COL16A1: variants seen among roughly 807,000 people sequenced by gnomAD.
COL16A1 encodes the protein collagen type XVI alpha 1 chain.
A neutral mutation model predicts 266.3 loss-of-function variants in COL16A1; 189 were observed. The ratio of observed to expected loss-of-function variants is 0.71; its 90% CI spans 0.63 to 0.80. The LOEUF is 0.80. Among genes scored for constraint, COL16A1 ranks in the 30% least tolerant of loss-of-function variants. COL16A1 has a pLI of 0.00. For synonymous variants in COL16A1, 740 were observed against 782.3 expected, an observed-to-expected ratio of 0.95 and a Z score of 0.90; for missense variants, 1,928 against 2,122.4, an observed-to-expected ratio of 0.91 and a Z score of 1.80.
At position 31,656,820 on chromosome 1, in the gene COL16A1, GT is replaced by G. The variant is rs1255919557; in HGVS notation, c.4056+212del. 6.8e-6 allele frequency: 4 copies of G among 586,046 alleles called. No individual in the cohort carries two copies. The highest frequency in any genetic ancestry group is 3.2e-5 in the Admixed American group (1 of 31,670). 36.3% of individuals were successfully genotyped at this position (586,046 alleles called of 1,614,324 possible). A position where few individuals can be genotyped will look rare whatever the true frequency, so the allele number is the denominator to read the frequency against. On this transcript the variant is annotated intron_variant, in intron 65 of 70. Transcript: ENST00000373672. This position sits in a 1 kb window ranked among gnomAD's most constrained non-coding sequence, Gnocchi z 4.2. ...TTGTTTCTTTTTGACCAGGTACAGGGTTTAAAAAAAAAAAAAAAAAGGTAAA... is the reference window on the plus strand; with the variant it reads ...TTGTTTCTTTTTGACCAGGTACAGGGTTAAAAAAAAAAAAAAAAAGGTAAA...
chr1:31,683,078 C>G, intron 36 of COL16A1, 76 bp from the exon 37 acceptor site: 1 of 1,609,944 alleles, frequency 6.2e-7, no homozygotes, highest in Non-Finnish European at 8.5e-7. Flanking sequence ...AGACACATCT[C>G]AACAGATCTT....
chr1:31,684,785 C>T (rs374113961), intron 30 of COL16A1, 36 bp downstream of exon 30: 1 of 1,613,958 alleles, frequency 6.2e-7, no homozygotes, highest in Non-Finnish European at 8.5e-7. Context: ...TGAGATGATG[C>T]CATGCCCACC....
At chr1:31,691,332 TTA>T in intron 19 of COL16A1, 83 bp downstream of exon 19, 1 of 1,584,316 alleles carries the variant, frequency 6.3e-7, no homozygotes, top group Non-Finnish European at 8.6e-7. Context: ...GGACAGAGCC[TTA>T]TCTTCCCCCC....
At position 31,672,380 on chromosome 1, in the gene COL16A1, G is replaced by A. The variant is rs1570436487; in HGVS notation, c.3105+36C>T. The A allele has an allele frequency of 1.9e-6, 3 of 1,611,606 alleles. No homozygotes were observed. The African/African-American group carries it at 4.0e-5, about 22-fold the overall frequency. On this transcript the variant is annotated intron_variant, in intron 47 of 70. Coordinates refer to ENST00000373672, the MANE Select transcript of COL16A1 (RefSeq NM_001856.4). ...GGTCTCAAAGGCAGACAGGGCCCCA[G>A]CTCCCTTGAGGATGAATCCCCATCC...
At chr1:31,684,076 A>G (rs1316486320) in intron 32 of COL16A1, 33 bp downstream of exon 32, 1 of 1,610,588 alleles carries the variant, frequency 6.2e-7, no homozygotes, top group East Asian at 2.2e-5. Context: ...GGCAAAGCCC[A>G]GGCAGGGAAG....
chr1:31,690,351 CA>C lies in COL16A1; in HGVS notation c.1509+15del. On this transcript the variant is annotated intron_variant, in intron 22 of 70. Transcript: ENST00000373672. The stretch of plus-strand genomic sequence containing the variant: ...CCGTTCCCACCCCGATCTGGGCAGC[CA>C]GGCCTAGGACTCACCTTCTCTCCCT... 6.2e-7 allele frequency: 1 copy of C among 1,613,608 alleles called. No homozygotes were observed. The highest frequency in any genetic ancestry group is 8.5e-7 in the Non-Finnish European group (1 of 1,179,994).
chr1:31,655,206 A>G, intron 67 of COL16A1, 108 bp downstream of exon 67: 1 of 1,492,102 alleles, frequency 6.7e-7, no homozygotes, highest in Non-Finnish European at 8.9e-7. Context: ...TATGGGAGCC[A>G]GGCTCTTTCC....
chr1:31,697,384 C>G lies in COL16A1; in HGVS notation c.658-84G>C. On this transcript the variant is annotated intron_variant, in intron 6 of 70. Transcript: ENST00000373672. The surrounding 1 kb of genome is among the most constrained non-coding windows in gnomAD (Gnocchi z 4.2). ...CCCCCCAGGAGGCACAGAGATGTCT[C>G]TGCCCCAGGATGTGACCTCAGGGTG... The G allele has an allele frequency of 2.2e-6, 3 of 1,360,878 alleles. No individual in the cohort carries two copies. Among genetic ancestry groups the G allele is most frequent in the Non-Finnish European group, 3.0e-6 (3 of 989,022 alleles). The allele number at this position is 1,360,878 out of a possible 1,614,324, so 84.3% of individuals were successfully genotyped here.
intron 12 of COL16A1, 126 bp from the exon 13 acceptor site, chr1:31,693,280 G>C (rs1398371514): frequency 1.5e-6 from 1 of 666,838 alleles, no homozygotes; most frequent in South Asian, 1.6e-5. Context: ...ACGCACACAT[G>C]TGAGCAGTGT....
chr1:31,702,999 G>A (rs1168456044), intron 1 of COL16A1, among the ~76,000 whole-genome samples: 1 of 152,178 alleles, frequency 6.6e-6, no homozygotes, highest in Non-Finnish European at 1.5e-5. Context: ...CCCCAGGACA[G>A]GCAGCTCACG....
Position 31,653,447 on chromosome 1 carries a change from C to A in COL16A1, c.4612+152G>T, listed in dbSNP as rs113516068. 940 of 909,062 alleles carry A rather than the reference C, an allele frequency of 1.0e-3. 8 individuals are homozygous for A. The African/African-American group carries it at 0.014, about 14-fold the overall frequency. 56.3% of individuals were successfully genotyped at this position (909,062 alleles called of 1,614,324 possible). ...GCCCCCACATCCCCACAGGCCCTGGCAGAGTGTCTTGCACACAGTGGCATT... is the reference window on the plus strand; with the variant it reads ...GCCCCCACATCCCCACAGGCCCTGGAAGAGTGTCTTGCACACAGTGGCATT... On this transcript the variant is annotated intron_variant, in intron 70 of 70. Transcript: ENST00000373672.
chr1:31,696,329 C>T (rs983769772), intron 8 of COL16A1, among the ~76,000 whole-genome samples, 188 bp from the exon 9 acceptor site: 14 of 139,692 alleles, frequency 1.0e-4, no homozygotes, highest in African/African-American at 7.6e-5. Flanking sequence ...TCCTTCCCCC[C>T]CCACCCACCC....
chr1:31,690,528 C>T lies in COL16A1; in HGVS notation c.1482+1G>A, dbSNP rs976101210. ...TCCCCCGCTGGATTGGTGTCACTCA[C>T]AGGTTTCCCACCAGGGCCTTCCTTT... is the stretch of plus-strand genomic sequence containing the variant. On this transcript the variant is annotated splice_donor_variant, in intron 21 of 70. Transcript: ENST00000373672. LOFTEE classifies it high-confidence loss of function. 5 of 1,614,010 alleles carry T rather than the reference C, an allele frequency of 3.1e-6. No homozygotes were observed. Among genetic ancestry groups the T allele is most frequent in the Non-Finnish European group, 4.2e-6 (5 of 1,179,916 alleles).
chr1:31,700,106 C>T lies in COL16A1; in HGVS notation c.83G>A (p.Cys28Tyr). 1 of 1,614,164 alleles carries T rather than the reference C, an allele frequency of 6.2e-7. No individual in the cohort carries two copies. The highest frequency in any genetic ancestry group is 8.5e-7 in the Non-Finnish European group (1 of 1,180,028). The change falls in exon 3 of 71, where the codon TGC becomes TAC. Residue 28 changes from cysteine (C) to tyrosine (Y), a missense_variant. Coordinates refer to ENST00000373672, the MANE Select transcript of COL16A1 (RefSeq NM_001856.4). ...FGHGANTGAQ[C>Y]PPSQQEGLKL... ...GAGTCCTTCCTGCTGTGAAGGTGGG[C>T]ATTGTGCACCTAGAAGAGAAGGGGC...
At position 31,667,595 on chromosome 1, in the gene COL16A1, C is replaced by G; in HGVS notation, c.3337G>C (p.Ala1113Pro). The G allele has an allele frequency of 1.2e-6, 2 of 1,602,968 alleles. No individual in the cohort carries two copies. Among genetic ancestry groups the G allele is most frequent in the Non-Finnish European group, 1.7e-6 (2 of 1,175,380 alleles). Reference protein sequence around the residue: ...IKGERGYTGSAGEKGEPGPPG... With the variant: ...IKGERGYTGSPGEKGEPGPPG... ...CTCACCGGCTCTCCTTTCTCTCCCGCTGACCCGGTGTAGCCACGCTCCCCC... is the reference window on the plus strand; with the variant it reads ...CTCACCGGCTCTCCTTTCTCTCCCGGTGACCCGGTGTAGCCACGCTCCCCC... The change falls in exon 52 of 71, where the codon GCG (alanine) becomes CCG (proline). Residue 1113 changes from alanine (A) to proline (P), a missense_variant. Physicochemically the swap from Ala to Pro is conservative, Grantham distance 27 (BLOSUM62 -1). Transcript: ENST00000373672.
chr1:31,685,695 G>A lies in COL16A1; in HGVS notation c.1960C>T (p.Pro654Ser). 6.2e-7 allele frequency: 1 copy of A among 1,614,000 alleles called. No homozygotes were observed. The highest frequency in any genetic ancestry group is 8.5e-7 in the Non-Finnish European group (1 of 1,180,016). The change falls in exon 29 of 71, where the codon CCA becomes TCA. Residue 654 changes from proline to serine, a missense_variant. By Grantham distance (74) the Pro-to-Ser change is moderately conservative. Transcript: ENST00000373672. The surrounding 1 kb of genome is among the most constrained non-coding windows in gnomAD (Gnocchi z 4.0). Reference sequence around the variant, plus strand: ...CCAGGTTCCCCCTTCTCTCCGGATGGGCCAGGCAAGGCCACCACACGGACA... The same window carrying A: ...CCAGGTTCCCCCTTCTCTCCGGATGAGCCAGGCAAGGCCACCACACGGACA... ...GDVRVVALPG[P>S]SGEKGEPGPP... is the part of the protein sequence containing the mutation.
In COL16A1 at chr1:31,690,276, C is replaced by A. The variant is rs78189506; in HGVS notation, c.1509+91G>T. The A allele has an allele frequency of 4.4e-6, 7 of 1,581,194 alleles. No individual in the cohort carries two copies. In the African/African-American group the frequency reaches 9.5e-5, roughly 21 times the overall value. On this transcript the variant is annotated intron_variant, in intron 22 of 70. Coordinates refer to ENST00000373672, the MANE Select transcript of COL16A1 (RefSeq NM_001856.4). ...GGGTCCCCTGAGGAAGGTCCAGCAC[C>A]CCTAGGCCTAGGGCCCTTGATGCTC...
chr1:31,675,823 G>A (rs962469675), intron 42 of COL16A1, among the ~76,000 whole-genome samples: 3 of 152,026 alleles, frequency 2.0e-5, no homozygotes, highest in African/African-American at 7.2e-5. Flanking sequence ...ACCATGCCTG[G>A]CTAATTCTTT....
At position 31,688,655 on chromosome 1, in the gene COL16A1, T is replaced by C; in HGVS notation, c.1768-153A>G. On this transcript the variant is annotated intron_variant, in intron 25 of 70. Coordinates refer to ENST00000373672, the MANE Select transcript of COL16A1 (RefSeq NM_001856.4). This position sits in a 1 kb window ranked among gnomAD's most constrained non-coding sequence, Gnocchi z 4.9. ...GTTTCTTCAGTTAGACAACTGAAGC[T>C]AGAGGTGCTAAGAGGAAGTTCCAGG... is the stretch of plus-strand genomic sequence containing the variant. The C allele has an allele frequency of 4.2e-6, 5 of 1,192,046 alleles. No individual in the cohort carries two copies. The highest frequency in any genetic ancestry group is 6.2e-6 in the Non-Finnish European group (5 of 812,002). 73.8% of individuals were successfully genotyped at this position (1,192,046 alleles called of 1,614,324 possible). A position where few individuals can be genotyped will look rare whatever the true frequency, so the allele number is the denominator to read the frequency against.
Sources: allele counts gnomAD v4.1 joint callset (sites outside exome capture counted in the v4.1 genomes callset), GRCh38; gene constraint gnomAD v4.1.1; non-coding constraint Gnocchi (gnomAD v3.1); transcripts MANE v1.5; gene names NCBI Gene and HGNC (gene_info 2026-07-23, HGNC 2026-07-21).